The following HIGD1C variants were observed in gnomAD, a reference collection of about 807,000 sequenced individuals.
HIGD1C encodes HIG1 domain family member 1C.
Under a neutral mutation model 13.1 loss-of-function variants are expected in HIGD1C, and 11 were observed. The ratio of observed to expected loss-of-function variants is 0.84; its 90% confidence interval spans 0.53 to 1.39. The LOEUF is 1.39. HIGD1C is among the 40% of genes most tolerant of loss of function. The pLI is 0.00. For missense variants in HIGD1C, 110 were observed against 112.0 expected (o/e 0.98, Z 0.08); for synonymous variants, 36 against 37.7 (o/e 0.95, Z 0.17).
upstream of HIGD1C, among the ~76,000 whole-genome samples, chr12:50,953,697 G>A (rs1417455381): frequency 6.6e-6 from 1 of 152,194 alleles, no homozygotes; most frequent in Non-Finnish European, 1.5e-5. Context: ...GATCTCAAAT[G>A]CTGAGCAGTG....
At chr12:50,944,759 C>T in the HIGD1C span, among the ~76,000 whole-genome samples, 2 of 152,082 alleles carry the variant, frequency 1.3e-5, no homozygotes, top group Admixed American at 6.5e-5. Flanking sequence ...TGGTGGCGCA[C>T]ACCTGCAGTC....
At chr12:50,952,184 T>C (rs1376366036), upstream of HIGD1C, among the ~76,000 whole-genome samples, 1 of 151,722 alleles carries the variant, frequency 6.6e-6, no homozygotes, top group African/African-American at 2.4e-5. Flanking sequence ...AACACTGTAC[T>C]ATGGTTATAT....
At chr12:50,964,820 C>T (rs1939480488) in intron 2 of HIGD1C, among the ~76,000 whole-genome samples, 1 of 152,232 alleles carries the variant, frequency 6.6e-6, no homozygotes, top group Non-Finnish European at 1.5e-5. Flanking sequence ...TATCATTCTC[C>T]AAGATCCATC....
the HIGD1C span, among the ~76,000 whole-genome samples, chr12:50,946,638 G>T: frequency 2.0e-5 from 3 of 152,190 alleles, no homozygotes; most frequent in African/African-American, 7.2e-5. Context: ...TGGTGGGACT[G>T]TAAACTAGTT....
chr12:50,948,693 C>A, the HIGD1C span, among the ~76,000 whole-genome samples: 1 of 149,406 alleles, frequency 6.7e-6, no homozygotes, highest in Non-Finnish European at 1.5e-5. Context: ...CGTGGTGAAA[C>A]CCTGTCTCTA....
intron 2 of HIGD1C, among the ~76,000 whole-genome samples, chr12:50,969,719 A>ACC (rs1027721770): frequency 6.6e-6 from 1 of 151,466 alleles, no homozygotes; most frequent in African/African-American, 2.4e-5. Flanking sequence ...AAAAAAACAA[A>ACC]AACAAAACGT....
exon 3 of HIGD1C, chr12:50,970,472 T>C (rs1372142268): frequency 3.9e-6 from 6 of 1,531,668 alleles, no homozygotes; most frequent in African/African-American, 2.8e-5. Flanking sequence ...AAGGATTACA[T>C]TAGACCACGA....
chr12:50,965,701 A>G (rs1245675477), intron 2 of HIGD1C, among the ~76,000 whole-genome samples: 3 of 152,162 alleles, frequency 2.0e-5, no homozygotes, highest in Non-Finnish European at 4.4e-5. Context: ...ATTAGTGTCA[A>G]TTTAGAACCA....
chr12:50,939,481 C>T, the HIGD1C span, among the ~76,000 whole-genome samples: 9 of 152,250 alleles, frequency 5.9e-5, no homozygotes, highest in Non-Finnish European at 1.0e-4. Flanking sequence ...ATTCTCACAA[C>T]TCAAAATTAT....
intron 2 of HIGD1C, among the ~76,000 whole-genome samples, chr12:50,965,539 C>T (rs1409808133): frequency 1.3e-5 from 2 of 152,164 alleles, no homozygotes; most frequent in South Asian, 2.1e-4. Context: ...ATTCCAATTA[C>T]ACATTCCAGA....
chr12:50,945,584 C>T, the HIGD1C span, among the ~76,000 whole-genome samples: 3 of 151,920 alleles, frequency 2.0e-5, no homozygotes, highest in Admixed American at 1.3e-4. Flanking sequence ...TAAAAGAGGA[C>T]ACAAACAAAT....
chr12:50,968,390 TGTG>T (rs1939627147), intron 2 of HIGD1C, among the ~76,000 whole-genome samples: 1 of 151,534 alleles, frequency 6.6e-6, no homozygotes, highest in Non-Finnish European at 1.5e-5. Context: ...ATTCTTTTTT[TGTG>T]TGTGTGTGGG....
upstream of HIGD1C, among the ~76,000 whole-genome samples, chr12:50,953,492 C>G (rs1268793563): frequency 1.3e-5 from 2 of 152,202 alleles, no homozygotes; most frequent in Non-Finnish European, 2.9e-5. Flanking sequence ...ACAGTAGGTG[C>G]TTGGTAAATA....
chr12:50,969,383 C>T (rs1358463036), intron 2 of HIGD1C, among the ~76,000 whole-genome samples: 1 of 151,972 alleles, frequency 6.6e-6, no homozygotes, highest in Non-Finnish European at 1.5e-5. Context: ...GTTTGGAGAC[C>T]ACCTACCTGT....
At chr12:50,944,800 T>A in the HIGD1C span, among the ~76,000 whole-genome samples, 1 of 152,162 alleles carries the variant, frequency 6.6e-6, no homozygotes, top group East Asian at 1.9e-4. Context: ...GGCAGGAGAA[T>A]CGCTTGAACC....
chr12:50,968,160 C>T (rs1189810426), intron 2 of HIGD1C, among the ~76,000 whole-genome samples: 8 of 151,904 alleles, frequency 5.3e-5, no homozygotes, highest in African/African-American at 1.9e-4. Flanking sequence ...GGATTTATTA[C>T]AGAGATATGA....
the HIGD1C span, among the ~76,000 whole-genome samples, chr12:50,947,949 A>C: frequency 6.6e-6 from 1 of 152,220 alleles, no homozygotes; most frequent in Non-Finnish European, 1.5e-5. Flanking sequence ...ACTCCGTCTC[A>C]AATAAATATG....
intron 2 of HIGD1C, among the ~76,000 whole-genome samples, chr12:50,969,267 CT>C (rs1939667744): frequency 1.3e-5 from 2 of 151,824 alleles, no homozygotes; most frequent in Non-Finnish European, 2.9e-5. Context: ...GCACTCCAGC[CT>C]GGGCAAGACA....
At chr12:50,945,006 T>C in the HIGD1C span, among the ~76,000 whole-genome samples, 1 of 152,262 alleles carries the variant, frequency 6.6e-6, no homozygotes, top group African/African-American at 2.4e-5. Flanking sequence ...TCTCAATACA[T>C]GCAGAAAAGG....
Sources: gnomAD v4.1 joint callset for allele counts (sites outside exome capture counted in the v4.1 genomes callset) on GRCh38, gnomAD v4.1.1 for gene constraint, MANE v1.5 for transcripts, NCBI Gene and HGNC (gene_info 2026-07-23, HGNC 2026-07-21) for gene names.